Variants in MPDZ observed in about 807,000 individuals in gnomAD.
The protein encoded by MPDZ is multiple PDZ domain protein.
Under a neutral mutation model 239.1 loss-of-function variants are expected in MPDZ, and 234 were observed. The observed-to-expected ratio is 0.98, with a 90% CI of 0.88 to 1.09. The LOEUF (loss-of-function observed/expected upper bound fraction) is 1.09, where lower values mean the gene tolerates loss of function less well. Among genes scored for constraint, MPDZ ranks in the 50% least tolerant of loss-of-function variants. MPDZ has a pLI of 0.00. For missense variants in MPDZ, 3,175 were observed against 2,510.0 expected, an observed-to-expected ratio of 1.26 and a Z score of -5.66; for synonymous variants, 1,048 against 881.3, an observed-to-expected ratio of 1.19 and a Z score of -3.35.
intron 1 of MPDZ, among the ~76,000 whole-genome samples, chr9:13,277,252 G>C (rs146785053): frequency 6.6e-6 from 1 of 152,014 alleles, no homozygotes; most frequent in African/African-American, 2.4e-5. Flanking sequence ...GTGTGGTAAA[G>C]GGACAAAGAA....
chr9:13,139,873 C>T (rs1463730771), intron 28 of MPDZ, 114 bp downstream of exon 28: 2 of 1,159,504 alleles, frequency 1.7e-6, no homozygotes, highest in Admixed American at 1.7e-5. Context: ...CACAGAATTG[C>T]AGTATATATC....
chr9:13,245,796 C>G (rs1020158308), intron 3 of MPDZ, among the ~76,000 whole-genome samples: 1 of 152,188 alleles, frequency 6.6e-6, no homozygotes, highest in African/African-American at 2.4e-5. Flanking sequence ...AGCCCATATT[C>G]TACTTCCATA....
intron 46 of MPDZ, 79 bp from the exon 47 acceptor site, chr9:13,107,190 G>T: frequency 1.4e-6 from 2 of 1,433,192 alleles, no homozygotes; most frequent in Non-Finnish European, 1.9e-6. Context: ...ATCTCAACAG[G>T]AATGTAAATT....
intron 39 of MPDZ, among the ~76,000 whole-genome samples, chr9:13,116,606 T>C (rs1031689615): frequency 6.6e-6 from 1 of 152,224 alleles, no homozygotes; most frequent in Non-Finnish European, 1.5e-5. Context: ...TATTTATATT[T>C]TCAGTTTACA....
At chr9:13,265,530 T>C (rs1382787448) in intron 1 of MPDZ, among the ~76,000 whole-genome samples, 2 of 152,068 alleles carry the variant, frequency 1.3e-5, no homozygotes, top group Admixed American at 6.6e-5. Context: ...GATTGCACCA[T>C]TGCACTCCAG....
At chr9:13,240,051 TA>T (rs1965006378) in intron 3 of MPDZ, among the ~76,000 whole-genome samples, 1 of 152,120 alleles carries the variant, frequency 6.6e-6, no homozygotes, top group Admixed American at 6.5e-5. Flanking sequence ...CAAAATTAAG[TA>T]AATTAATCTA....
At position 13,106,702 on chromosome 9, in the gene MPDZ, T is replaced by A. The variant is rs1941514019; in HGVS notation, c.*263A>T. ...GCCCATGTGACTACAAAACATTAGA[T>A]ATCTCCACAAATAAAAACGAGATTC... On this transcript the variant is annotated 3_prime_UTR_variant, in exon 47 of 47. Coordinates refer to ENST00000319217, the MANE Select transcript of MPDZ (RefSeq NM_001378778.1). 2.7e-6 allele frequency: 1 copy of A among 376,274 alleles called. No homozygotes were observed. Among genetic ancestry groups the A allele is most frequent in the Admixed American group, 3.7e-5 (1 of 26,798 alleles). The allele number at this position is 376,274 out of a possible 1,614,324, so 23.3% of individuals were successfully genotyped here. A position where few individuals can be genotyped will look rare whatever the true frequency, so the allele number is the denominator to read the frequency against.
Position 13,158,258 on chromosome 9 carries a change from G to A in MPDZ, c.3360-148C>T, listed in dbSNP as rs192242320. 112 of 620,350 alleles carry A rather than the reference G, an allele frequency of 1.8e-4. 1 individual carries two copies. The East Asian group carries it at 2.7e-3, about 15-fold the overall frequency. The allele number at this position is 620,350 out of a possible 1,614,324, so 38.4% of individuals were successfully genotyped here. On this transcript the variant is annotated intron_variant, in intron 23 of 46. Transcript: ENST00000319217. ...CATAAGTATAAAATATTTTTACATCGGGGGGAAGAAAAACGTAACCAAACA... is the reference window on the plus strand; with the variant it reads ...CATAAGTATAAAATATTTTTACATCAGGGGGAAGAAAAACGTAACCAAACA...
At chr9:13,182,673 AC>A (rs1289786670) in intron 19 of MPDZ, among the ~76,000 whole-genome samples, 3 of 152,156 alleles carry the variant, frequency 2.0e-5, no homozygotes, top group African/African-American at 7.2e-5. Flanking sequence ...TATGAAAAAA[AC>A]ATTCATTCTC....
rs1223687695 is a variant in MPDZ, at chr9:13,114,009, T to C, written c.5479A>G (p.Ser1827Gly). 3.1e-6 allele frequency: 5 copies of C among 1,593,682 alleles called. No homozygotes were observed. The highest frequency in any genetic ancestry group is 2.3e-5 in the East Asian group (1 of 44,420). ...PSQSSQVSEG[S>G]LSSFTFPLSG... ...AGTGGAAAAGTGAAAGATGACAGGC[T>C]GCCTTCACTCACCTACAAATATACA... is the stretch of plus-strand genomic sequence containing the variant. Residue 1827 changes from serine to glycine, a missense_variant, in exon 41 of 47, where the codon AGC becomes GGC. Physicochemically the swap from Ser to Gly is moderately conservative, Grantham distance 56. Coordinates refer to ENST00000319217, the MANE Select transcript of MPDZ (RefSeq NM_001378778.1).
chr9:13,178,249 ACT>A, intron 19 of MPDZ, among the ~76,000 whole-genome samples: 1 of 130,724 alleles, frequency 7.6e-6, no homozygotes, highest in South Asian at 2.8e-4. Flanking sequence ...ACAGAGCGAG[ACT>A]GCATCTCAAA....
At chr9:13,149,244 G>A (rs934094496) in intron 25 of MPDZ, among the ~76,000 whole-genome samples, 7 of 151,710 alleles carry the variant, frequency 4.6e-5, no homozygotes, top group Non-Finnish European at 7.4e-5. Context: ...ATCTTCTTCC[G>A]TCTAAGGCTC....
intron 24 of MPDZ, among the ~76,000 whole-genome samples, chr9:13,152,206 G>A (rs887981598): frequency 6.6e-6 from 1 of 152,090 alleles, no homozygotes; most frequent in African/African-American, 2.4e-5. Flanking sequence ...GGCAGACCTG[G>A]TCACTAACAG....
intron 3 of MPDZ, among the ~76,000 whole-genome samples, chr9:13,233,744 T>C (rs1225249060): frequency 3.9e-5 from 6 of 152,190 alleles, no homozygotes; most frequent in Non-Finnish European, 5.9e-5. Flanking sequence ...AGAAGGCAAG[T>C]AGTAGCGACA....
At chr9:13,181,135 T>A (rs1587579674) in intron 19 of MPDZ, among the ~76,000 whole-genome samples, 1 of 152,302 alleles carries the variant, frequency 6.6e-6, no homozygotes, top group East Asian at 1.9e-4. Flanking sequence ...AATCACATAG[T>A]TAGCAAAGTC....
intron 35 of MPDZ, 109 bp from the exon 36 acceptor site, chr9:13,123,407 A>G: frequency 2.4e-6 from 2 of 823,852 alleles, no homozygotes; most frequent in Non-Finnish European, 1.9e-6. Context: ...AAATGGGCCC[A>G]TGACTGTGGG....
intron 44 of MPDZ, 23 bp downstream of exon 44, chr9:13,110,613 T>C (rs760544056): frequency 1.5e-5 from 23 of 1,574,806 alleles, no homozygotes; most frequent in Non-Finnish European, 1.9e-5. Context: ...TATTCTGAAT[T>C]ATGCTTGGGA....
intron 45 of MPDZ, 121 bp from the exon 46 acceptor site, chr9:13,109,180 T>A: frequency 4.9e-6 from 4 of 813,100 alleles, no homozygotes; most frequent in Non-Finnish European, 6.6e-6. Flanking sequence ...TGACAAGGAG[T>A]ATATTACGGG....
Position 13,183,226 on chromosome 9 carries a change from T to C in MPDZ, c.2649+192A>G, listed in dbSNP as rs190281277. ...ATTCTCAGACACTAAATTTAAATAG[T>C]TTCTAGTAATCTGAAAGCTATCCAA... On this transcript the variant is annotated intron_variant, in intron 19 of 46. Transcript: ENST00000319217. 4.3e-4 allele frequency among the ~76,000 whole-genome samples: 66 copies of C among 152,096 alleles called. 1 individual carries two copies. In the South Asian group the frequency reaches 6.2e-3, roughly 14 times the overall value.
Sources: allele counts gnomAD v4.1 joint callset (sites outside exome capture counted in the v4.1 genomes callset), GRCh38; gene constraint gnomAD v4.1.1; transcripts MANE v1.5; gene names NCBI Gene and HGNC (gene_info 2026-07-23, HGNC 2026-07-21).